The following B3GALT1 variants were observed in gnomAD, a reference collection of about 807,000 sequenced individuals.
The protein encoded by B3GALT1 is UDP-Gal:betaGlcNAc beta 1,3-galactosyltransferase, polypeptide 1.
Under a neutral mutation model 23.2 loss-of-function variants are expected in B3GALT1, and 10 were observed. The ratio of observed to expected loss-of-function variants is 0.43; its 90% CI spans 0.27 to 0.73. The LOEUF (loss-of-function observed/expected upper bound fraction) is 0.73, where lower values mean the gene tolerates loss of function less well. Ranked by LOEUF, B3GALT1 falls within the 30% of genes least tolerant of loss-of-function variation. The probability of loss-of-function intolerance (pLI) is 0.21; values close to 1 mark genes in which losing one functional copy is unlikely to be tolerated. For synonymous variants in B3GALT1, 156 were observed against 141.5 expected (o/e 1.10, Z -0.73); for missense variants, 299 against 405.4 (o/e 0.74, Z 2.25).
At chr2:167,688,376 C>G (rs1686650819) in intron 3 of B3GALT1, among the ~76,000 whole-genome samples, 1 of 151,862 alleles carries the variant, frequency 6.6e-6, no homozygotes, top group Non-Finnish European at 1.5e-5. Context: ...AAAAATGCTT[C>G]AACAAGCAAT....
chr2:167,652,833 G>T (rs1685890691), intron 3 of B3GALT1, among the ~76,000 whole-genome samples: 1 of 152,042 alleles, frequency 6.6e-6, no homozygotes, highest in Non-Finnish European at 1.5e-5. Context: ...TTAACATTCT[G>T]TATGTCTTTC....
intron 1 of B3GALT1, among the ~76,000 whole-genome samples, chr2:167,416,663 G>A (rs974322898): frequency 1.3e-5 from 2 of 152,140 alleles, no homozygotes; most frequent in African/African-American, 2.4e-5. Flanking sequence ...ACATCTGCCT[G>A]GGAAAGCTTT....
At chr2:167,637,731 A>C (rs1252281353) in intron 2 of B3GALT1, among the ~76,000 whole-genome samples, 1 of 151,844 alleles carries the variant, frequency 6.6e-6, no homozygotes, top group South Asian at 2.1e-4. Context: ...TTCAGCTTCC[A>C]CATACAAGTG....
intron 2 of B3GALT1, among the ~76,000 whole-genome samples, chr2:167,607,551 G>A (rs1010724741): frequency 1.7e-4 from 26 of 152,254 alleles, no homozygotes; most frequent in Non-Finnish European, 2.8e-4. Context: ...GTGCACACAC[G>A]TGCATACACG....
chr2:167,324,071 T>C (rs1012235503), intron 1 of B3GALT1, among the ~76,000 whole-genome samples: 1 of 151,998 alleles, frequency 6.6e-6, no homozygotes, highest in Non-Finnish European at 1.5e-5. Context: ...GTGACTGTGA[T>C]TGATGAATGG....
chr2:167,460,800 A>G (rs1014344171), intron 1 of B3GALT1, among the ~76,000 whole-genome samples: 4 of 152,202 alleles, frequency 2.6e-5, no homozygotes, highest in Admixed American at 6.5e-5. Context: ...AAGTTAAAAA[A>G]GTTGTAGGCT....
intron 1 of B3GALT1, among the ~76,000 whole-genome samples, chr2:167,409,455 A>G (rs1267411704): frequency 6.6e-6 from 1 of 151,934 alleles, no homozygotes; most frequent in Non-Finnish European, 1.5e-5. Context: ...ATTCATTTTC[A>G]TTCTTGTTTC....
intron 1 of B3GALT1, among the ~76,000 whole-genome samples, chr2:167,437,098 G>T (rs925090212): frequency 3.3e-5 from 5 of 152,122 alleles, no homozygotes; most frequent in Non-Finnish European, 7.4e-5. Context: ...TTCTGGAGAT[G>T]CAAGGTGACA....
intron 1 of B3GALT1, among the ~76,000 whole-genome samples, chr2:167,434,715 C>CT (rs1698753493): frequency 7.1e-6 from 1 of 141,608 alleles, no homozygotes; most frequent in African/African-American, 2.5e-5. Flanking sequence ...GAATGACCCC[C>CT]CCCCCTTATT....
At chr2:167,852,467 GGTGTGTGTGTGTGTGTGTGTGTGTGTGT>G (rs66820655) in intron 4 of B3GALT1, among the ~76,000 whole-genome samples, 4 of 146,478 alleles carry the variant, frequency 2.7e-5, no homozygotes, top group Admixed American at 2.7e-4. Flanking sequence ...TATTCGTGAT[GGTGTGTGTGTGTGTGTGTGTGTGTGTGT>G]GTGTGTGTGT....
At chr2:167,296,450 T>C (rs1416961980) in intron 1 of B3GALT1, among the ~76,000 whole-genome samples, 1 of 152,174 alleles carries the variant, frequency 6.6e-6, no homozygotes, top group African/African-American at 2.4e-5. Flanking sequence ...CAGAAGTTCA[T>C]TCTCATTTTT....
intron 2 of B3GALT1, among the ~76,000 whole-genome samples, chr2:167,559,591 A>C (rs1427396044): frequency 6.6e-6 from 1 of 152,224 alleles, no homozygotes; most frequent in Non-Finnish European, 1.5e-5. Context: ...TGGAATAACC[A>C]ATACAGAGAA....
rs1013442291 is a variant in B3GALT1, at chr2:167,873,885, C to T, written c.*3865C>T. The T allele has an allele frequency of 1.3e-5, 2 of 152,202 alleles. No homozygotes were observed. The highest frequency in any genetic ancestry group is 4.8e-5 in the African/African-American group (2 of 41,440). 9.4% of individuals were successfully genotyped at this position (152,202 alleles called of 1,614,324 possible). On this transcript the variant is annotated 3_prime_UTR_variant, in exon 5 of 5. Coordinates refer to ENST00000392690, the MANE Select transcript of B3GALT1 (RefSeq NM_020981.4). Reference sequence around the variant, plus strand: ...GTTATAAAACTAAAAATGACAGACACTGAAGATATCATTACACTTTCTTCA... The same window carrying T: ...GTTATAAAACTAAAAATGACAGACATTGAAGATATCATTACACTTTCTTCA...
At position 167,654,862 on chromosome 2, in the gene B3GALT1, T is replaced by C. The variant is rs73971211; in HGVS notation, c.-352+7896T>C. On this transcript the variant is annotated intron_variant, in intron 3 of 4. Coordinates refer to ENST00000392690, the MANE Select transcript of B3GALT1 (RefSeq NM_020981.4). ...TTCTTGACTCTCAGATTCTGTAATATGACCTTTTATAGTCCCTCTCCCCCA... is the reference window on the plus strand; with the variant it reads ...TTCTTGACTCTCAGATTCTGTAATACGACCTTTTATAGTCCCTCTCCCCCA... Among the ~76,000 whole-genome samples, 888 of 151,904 alleles carry C rather than the reference T, an allele frequency of 5.8e-3. 5 individuals carry two copies. The highest frequency in any genetic ancestry group is 0.02 in the African/African-American group (816 of 41,426).
At chr2:167,618,021 C>A (rs1229738826) in intron 2 of B3GALT1, among the ~76,000 whole-genome samples, 1 of 151,992 alleles carries the variant, frequency 6.6e-6, no homozygotes, top group East Asian at 1.9e-4. Context: ...CTTGTTAAAT[C>A]TAAGTGGAAA....
intron 1 of B3GALT1, among the ~76,000 whole-genome samples, chr2:167,389,925 C>CAAAAA (rs751630307): frequency 1.9e-5 from 2 of 105,432 alleles, no homozygotes; most frequent in Non-Finnish European, 3.8e-5. Context: ...AAAAAAAAAA[C>CAAAAA]AAAAAAAAAA....
chr2:167,441,961 G>C (rs1319830644), intron 1 of B3GALT1, among the ~76,000 whole-genome samples: 1 of 151,512 alleles, frequency 6.6e-6, no homozygotes, highest in East Asian at 1.9e-4. Flanking sequence ...CATGTGCCAT[G>C]CTGGTGTGCT....
At chr2:167,300,027 C>T (rs1696420926) in intron 1 of B3GALT1, among the ~76,000 whole-genome samples, 1 of 151,976 alleles carries the variant, frequency 6.6e-6, no homozygotes, top group African/African-American at 2.4e-5. Context: ...CTCAGCCTCC[C>T]GAGTAGCTGG....
intron 1 of B3GALT1, among the ~76,000 whole-genome samples, chr2:167,316,181 T>C (rs530942146): frequency 2.8e-4 from 42 of 151,922 alleles, no homozygotes; most frequent in African/African-American, 9.4e-4. Flanking sequence ...CATTAGAATG[T>C]TTTCTTTTTC....
Sources: gnomAD v4.1 joint callset for allele counts (sites outside exome capture counted in the v4.1 genomes callset) on GRCh38, gnomAD v4.1.1 for gene constraint, MANE v1.5 for transcripts, NCBI Gene and HGNC (gene_info 2026-07-23, HGNC 2026-07-21) for gene names.